Variants in TBL1X observed in about 807,000 individuals in gnomAD.
TBL1X encodes F-box-like/WD repeat-containing protein TBL1X.
Under a neutral mutation model 50.7 loss-of-function variants are expected in TBL1X, and 10 were observed. The observed-to-expected ratio is 0.20, with a 90% confidence interval of 0.12 to 0.33. The LOEUF (loss-of-function observed/expected upper bound fraction) is 0.33, where lower values mean the gene tolerates loss of function less well. TBL1X is among the 10% of genes least tolerant of loss of function. TBL1X has a pLI of 1.00. For missense variants in TBL1X, 340 were observed against 504.4 expected (o/e 0.67, Z 3.12); for synonymous variants, 190 against 214.7 (o/e 0.88, Z 1.01).
In TBL1X at chrX:9,590,718, T is replaced by G. The variant is rs144543261; in HGVS notation, c.-130-49555T>G. Among the ~76,000 whole-genome samples the G allele has an allele frequency of 8.4e-3, 934 of 111,784 alleles. 12 individuals are homozygous for G. The highest frequency in any genetic ancestry group is 0.029 in the African/African-American group (901 of 30,739). On this transcript the variant is annotated intron_variant, in intron 2 of 17. Transcript: ENST00000645353. ...TTGAATTTTTTAAAGTTTTGGTGTT[T>G]GTTGTTTTTGGTTGTTTATTGCTTT...
At chrX:9,631,974 T>C in intron 2 of TBL1X, among the ~76,000 whole-genome samples, 1 of 112,402 alleles carries the variant, frequency 8.9e-6, no homozygotes, top group Non-Finnish European at 1.9e-5. Flanking sequence ...TTCATCTGAG[T>C]GTAGAGTTTT....
chrX:9,620,767 C>G (rs2082662786), intron 2 of TBL1X, among the ~76,000 whole-genome samples: 1 of 111,561 alleles, frequency 9.0e-6, no homozygotes, highest in African/African-American at 3.3e-5. Context: ...GGCCATAATA[C>G]TAAGAGGATG....
chrX:9,472,709 C>A (rs996289646), intron 1 of TBL1X, among the ~76,000 whole-genome samples: 2 of 110,015 alleles, frequency 1.8e-5, no homozygotes, highest in Non-Finnish European at 3.8e-5. Context: ...GTCAGGAGAT[C>A]GAGACCATTC....
chrX:9,661,991 G>A, intron 5 of TBL1X, among the ~76,000 whole-genome samples: 1 of 111,561 alleles, frequency 9.0e-6, no homozygotes, highest in Non-Finnish European at 1.9e-5. Context: ...GGATTCAAGA[G>A]GGGTCCTGGG....
chrX:9,484,413 G>C (rs1032644082), intron 1 of TBL1X, among the ~76,000 whole-genome samples: 1 of 111,496 alleles, frequency 9.0e-6, no homozygotes, highest in African/African-American at 3.3e-5. Flanking sequence ...TTTTTGTAAT[G>C]TCTCTCCCCC....
chrX:9,656,165 G>T (rs2082864057), intron 5 of TBL1X, among the ~76,000 whole-genome samples: 1 of 112,465 alleles, frequency 8.9e-6, no homozygotes, highest in African/African-American at 3.2e-5. Flanking sequence ...GCTCTTAGAG[G>T]AGCACAGGTG....
chrX:9,599,633 A>G (rs1333754054), intron 2 of TBL1X, among the ~76,000 whole-genome samples: 2 of 112,483 alleles, frequency 1.8e-5, no homozygotes, highest in African/African-American at 3.2e-5. Context: ...GTCCTCTTCA[A>G]AGTCTCTAGT....
rs180986946 is a variant in TBL1X, at chrX:9,573,266, T to C, written c.-130-67007T>C. ...CATGTTTTTGCTAAAAGCCTTCCTA[T>C]TAGAAGCACTACAATTGACAGTGAT... On this transcript the variant is annotated intron_variant, in intron 2 of 17. Coordinates refer to ENST00000645353, the MANE Select transcript of TBL1X (RefSeq NM_005647.4). 3.9e-3 allele frequency among the ~76,000 whole-genome samples: 441 copies of C among 112,509 alleles called. 2 individuals carry two copies. Among genetic ancestry groups the C allele is most frequent in the Non-Finnish European group, 6.7e-3 (355 of 53,310 alleles).
intron 9 of TBL1X, among the ~76,000 whole-genome samples, chrX:9,692,896 A>T (rs1486069009): frequency 8.9e-6 from 1 of 112,526 alleles, no homozygotes; most frequent in Non-Finnish European, 1.9e-5. Context: ...AGGAAAGGTG[A>T]TTCTCCACCT....
intron 1 of TBL1X, among the ~76,000 whole-genome samples, chrX:9,491,319 TATATATATATATATATA>T (rs1305694932): frequency 3.2e-5 from 1 of 31,087 alleles, no homozygotes; most frequent in Non-Finnish European, 5.7e-5. Context: ...TATATATATA[TATATATATATATATATA>T]TATTTTTTTT....
At chrX:9,691,734 C>T (rs752198457) in intron 8 of TBL1X, 23 bp downstream of exon 8, 7 of 1,104,192 alleles carry the variant, frequency 6.3e-6, no homozygotes, top group African/African-American at 5.7e-5. Flanking sequence ...GGGTGGGGGG[C>T]GCTCCAGAGT....
chrX:9,536,732 C>G (rs2082189792), intron 2 of TBL1X, among the ~76,000 whole-genome samples: 1 of 111,750 alleles, frequency 8.9e-6, no homozygotes, highest in Non-Finnish European at 1.9e-5. Context: ...ACGCATGTTA[C>G]TCTTAAATTG....
intron 5 of TBL1X, among the ~76,000 whole-genome samples, chrX:9,676,997 A>G (rs2082998714): frequency 8.9e-6 from 1 of 111,835 alleles, no homozygotes; most frequent in Admixed American, 9.5e-5. Context: ...AGGATTTCTA[A>G]TTCCCTCGCC....
intron 1 of TBL1X, among the ~76,000 whole-genome samples, chrX:9,470,025 C>G (rs773060353): frequency 1.8e-5 from 2 of 112,641 alleles, no homozygotes; most frequent in African/African-American, 6.4e-5. Flanking sequence ...CAGCTTTGCT[C>G]CTTAATGTAA....
At chrX:9,501,421 C>T (rs1419468843) in intron 1 of TBL1X, among the ~76,000 whole-genome samples, 2 of 111,918 alleles carry the variant, frequency 1.8e-5, no homozygotes, top group South Asian at 3.7e-4. Context: ...TGGTGAGGGA[C>T]TCAGACAGCT....
At chrX:9,564,679 G>T (rs1488124945) in intron 2 of TBL1X, among the ~76,000 whole-genome samples, 1 of 109,262 alleles carries the variant, frequency 9.2e-6, no homozygotes, top group Admixed American at 9.8e-5. Flanking sequence ...CTTGCCGTGA[G>T]CCAAGATCGC....
intron 1 of TBL1X, among the ~76,000 whole-genome samples, chrX:9,494,672 T>C (rs1414366365): frequency 8.9e-6 from 1 of 112,311 alleles, no homozygotes; most frequent in Non-Finnish European, 1.9e-5. Flanking sequence ...TAGGCTTTGA[T>C]CTCTTTTTAA....
rs769134373 is a variant in TBL1X at position 9,693,289 on chromosome X, C to T, written c.956-33C>T. ...TAACCCTTGAGTGAACAGACCATGA[C>T]ATTGAGGTCAACATGTTTGTTTTTA... is the stretch of plus-strand genomic sequence containing the variant. On this transcript the variant is annotated intron_variant, in intron 10 of 17. Transcript: ENST00000645353. 5 of 1,208,989 alleles carry T rather than the reference C, an allele frequency of 4.1e-6. No individual in the cohort carries two copies. The Admixed American group carries it at 1.1e-4, about 26-fold the overall frequency.
At chrX:9,555,525 T>C (rs780743445) in intron 2 of TBL1X, among the ~76,000 whole-genome samples, 5 of 112,003 alleles carry the variant, frequency 4.5e-5, no homozygotes, top group Admixed American at 9.5e-5. Context: ...GGTGTTTACA[T>C]GCACATATGC....
Sources: allele counts gnomAD v4.1 joint callset (sites outside exome capture counted in the v4.1 genomes callset), GRCh38; gene constraint gnomAD v4.1.1; transcripts MANE v1.5; gene names NCBI Gene and HGNC (gene_info 2026-07-23, HGNC 2026-07-21).